The following KCNIP4 variants were observed in gnomAD, a reference collection of about 807,000 sequenced individuals.
The protein encoded by KCNIP4 is potassium voltage-gated channel interacting protein 4.
KCNIP4 carries 12 observed loss-of-function variants against 34.0 expected under a neutral mutation model. That is an observed-to-expected ratio of 0.35 (90% CI 0.23 to 0.57). KCNIP4 has a LOEUF of 0.57. KCNIP4 is among the 20% of genes least tolerant of loss of function. KCNIP4 has a pLI of 0.83. For missense variants in KCNIP4, 238 were observed against 311.7 expected, an observed-to-expected ratio of 0.76 and a Z score of 1.78; for synonymous variants, 124 against 102.2, an observed-to-expected ratio of 1.21 and a Z score of -1.29.
At chr4:21,376,682 G>A (rs142580948) in intron 1 of KCNIP4, among the ~76,000 whole-genome samples, 2 of 152,080 alleles carry the variant, frequency 1.3e-5, no homozygotes, top group South Asian at 2.1e-4. Flanking sequence ...TCAGTGTTAC[G>A]TTTGCCTTTT....
At chr4:21,355,718 A>G (rs1718516151) in intron 1 of KCNIP4, among the ~76,000 whole-genome samples, 1 of 152,196 alleles carries the variant, frequency 6.6e-6, no homozygotes, top group Non-Finnish European at 1.5e-5. Flanking sequence ...GAAATCTACC[A>G]GGGTACAAAG....
At chr4:21,330,213 A>G (rs926574483) in intron 1 of KCNIP4, among the ~76,000 whole-genome samples, 2 of 152,236 alleles carry the variant, frequency 1.3e-5, no homozygotes, top group African/African-American at 2.4e-5. Context: ...GAAATATTTG[A>G]TTAGTACAAC....
At chr4:21,305,051 C>A (rs558756431) in intron 1 of KCNIP4, among the ~76,000 whole-genome samples, 1 of 151,866 alleles carries the variant, frequency 6.6e-6, no homozygotes, top group African/African-American at 2.4e-5. Context: ...TTCCTCCTAA[C>A]ACTGCCCAAA....
intron 1 of KCNIP4, among the ~76,000 whole-genome samples, chr4:21,060,458 A>G (rs995926796): frequency 6.6e-6 from 1 of 152,186 alleles, no homozygotes; most frequent in African/African-American, 2.4e-5. Flanking sequence ...TCAATAAGAC[A>G]TAGAAGGCCA....
intron 1 of KCNIP4, among the ~76,000 whole-genome samples, chr4:21,842,777 A>T (rs1322932666): frequency 6.6e-6 from 1 of 152,082 alleles, no homozygotes; most frequent in African/African-American, 2.4e-5. Context: ...TAACATTATT[A>T]CAACGATTAT....
chr4:21,389,849 T>C (rs1722393165), intron 1 of KCNIP4, among the ~76,000 whole-genome samples: 1 of 152,150 alleles, frequency 6.6e-6, no homozygotes, highest in South Asian at 2.1e-4. Context: ...ATGGTATTTC[T>C]AGTTTTAGAT....
intron 1 of KCNIP4, among the ~76,000 whole-genome samples, chr4:21,042,498 G>C (rs1742055134): frequency 6.6e-6 from 1 of 152,128 alleles, no homozygotes; most frequent in South Asian, 2.1e-4. Context: ...TAGAAGTAGA[G>C]AGCAGAAGAA....
intron 1 of KCNIP4, among the ~76,000 whole-genome samples, chr4:21,611,029 T>C (rs1278965295): frequency 6.6e-6 from 1 of 152,122 alleles, no homozygotes; most frequent in African/African-American, 2.4e-5. Context: ...CCATGTGTTC[T>C]CATTGTTCAC....
intron 1 of KCNIP4, among the ~76,000 whole-genome samples, chr4:21,866,608 A>G (rs1725432495): frequency 6.6e-6 from 1 of 152,184 alleles, no homozygotes; most frequent in African/African-American, 2.4e-5. Context: ...AAAAGCAGGT[A>G]TAAAGTATGC....
intron 1 of KCNIP4, among the ~76,000 whole-genome samples, chr4:21,810,837 T>C (rs891414720): frequency 3.9e-5 from 6 of 152,098 alleles, no homozygotes; most frequent in Non-Finnish European, 7.3e-5. Context: ...GATTCCCTTA[T>C]ACATCAAACA....
At chr4:21,222,894 AGGT>A (rs567556757) in intron 1 of KCNIP4, among the ~76,000 whole-genome samples, 162 of 152,318 alleles carry the variant, frequency 1.1e-3, no homozygotes, top group African/African-American at 3.7e-3. Context: ...CATGCACAGA[AGGT>A]AGACGACTAA....
chr4:21,610,679 C>G (rs1178895925), intron 1 of KCNIP4, among the ~76,000 whole-genome samples: 2 of 151,984 alleles, frequency 1.3e-5, no homozygotes, highest in Non-Finnish European at 2.9e-5. Flanking sequence ...TGAGTTTATT[C>G]ATACATTTTC....
chr4:21,689,602 T>C (rs2109040353), intron 1 of KCNIP4, among the ~76,000 whole-genome samples: 1 of 152,284 alleles, frequency 6.6e-6, no homozygotes, highest in South Asian at 2.1e-4. Context: ...TCAGTTATGA[T>C]GTAATATATT....
chr4:21,865,490 G>A (rs1339778756), intron 1 of KCNIP4, among the ~76,000 whole-genome samples: 1 of 152,126 alleles, frequency 6.6e-6, no homozygotes, highest in Middle Eastern at 3.4e-3. Flanking sequence ...ACTGATTTCT[G>A]AATTTCACAT....
chr4:21,393,438 A>G (rs1434815743), intron 1 of KCNIP4, among the ~76,000 whole-genome samples: 1 of 152,168 alleles, frequency 6.6e-6, no homozygotes, highest in Non-Finnish European at 1.5e-5. Flanking sequence ...GAGTCTAGCT[A>G]TAACTATGCA....
At chr4:21,506,884 T>C (rs997036419) in intron 1 of KCNIP4, among the ~76,000 whole-genome samples, 2 of 151,864 alleles carry the variant, frequency 1.3e-5, no homozygotes, top group Admixed American at 1.3e-4. Context: ...CTCAAACTCC[T>C]GGGCCAAAGC....
chr4:20,796,572 T>C (rs1268574522), intron 3 of KCNIP4, among the ~76,000 whole-genome samples: 1 of 151,204 alleles, frequency 6.6e-6, no homozygotes, highest in Non-Finnish European at 1.5e-5. Context: ...TATCTATACA[T>C]GCCTTTAAAA....
chr4:21,763,842 G>C (rs1259288376), intron 1 of KCNIP4, among the ~76,000 whole-genome samples: 2 of 152,038 alleles, frequency 1.3e-5, no homozygotes, highest in Non-Finnish European at 2.9e-5. Flanking sequence ...TGATTTATCT[G>C]AAATTGTAAA....
At chr4:21,404,221 G>C (rs763257452) in intron 1 of KCNIP4, among the ~76,000 whole-genome samples, 2 of 152,102 alleles carry the variant, frequency 1.3e-5, no homozygotes, top group Non-Finnish European at 2.9e-5. Context: ...ATTACTCTCT[G>C]TTCTCACCCA....
Sources: allele counts gnomAD v4.1 joint callset (sites outside exome capture counted in the v4.1 genomes callset), GRCh38; gene constraint gnomAD v4.1.1; transcripts MANE v1.5; gene names NCBI Gene and HGNC (gene_info 2026-07-23, HGNC 2026-07-21).